Variants in METRNL observed in about 807,000 individuals in gnomAD.
METRNL encodes meteorin like, glial cell differentiation regulator.
Under a neutral mutation model 17.4 loss-of-function variants are expected in METRNL, and 9 were observed. That is an observed-to-expected ratio of 0.52 (90% CI 0.31 to 0.90). The LOEUF is 0.90. METRNL is among the 40% of genes least tolerant of loss of function. The pLI is 0.05. For missense variants in METRNL, 408 were observed against 430.7 expected, an observed-to-expected ratio of 0.95 and a Z score of 0.47; for synonymous variants, 215 against 199.3, an observed-to-expected ratio of 1.08 and a Z score of -0.66.
chr17:83,085,960 T>C (rs2038048608), intron 2 of METRNL, among the ~76,000 whole-genome samples: 1 of 152,202 alleles, frequency 6.6e-6, no homozygotes, highest in African/African-American at 2.4e-5. Context: ...CAGAGGGGTC[T>C]TGTGGGTACG....
intron 3 of METRNL, 60 bp from the exon 4 acceptor site, chr17:83,094,196 G>A (rs1427761651): frequency 2.6e-5 from 37 of 1,402,010 alleles, no homozygotes; most frequent in Middle Eastern, 1.8e-4. Flanking sequence ...GGGAGGTGCG[G>A]TGGTCTTGCT....
chr17:83,082,285 C>G (rs950433139), intron 1 of METRNL: 1 of 983,568 alleles, frequency 1.0e-6, no homozygotes, highest in African/African-American at 1.7e-5. Flanking sequence ...TCCTGACTTT[C>G]ATACAGGAGC....
chr17:83,091,362 A>T (rs2038134143), intron 2 of METRNL, among the ~76,000 whole-genome samples: 1 of 152,084 alleles, frequency 6.6e-6, no homozygotes, highest in South Asian at 2.1e-4. Context: ...AGGCGCCCTC[A>T]CCCCTGCCTG....
At position 83,085,072 on chromosome 17, in the gene METRNL, G is replaced by A. The variant is rs140659442; in HGVS notation, c.305G>A (p.Arg102Gln). The A allele has an allele frequency of 8.7e-6, 14 of 1,613,748 alleles. No homozygotes were observed. Among genetic ancestry groups the A allele is most frequent in the South Asian group, 4.4e-5 (4 of 91,090 alleles). The change falls in exon 2 of 4, where the codon CGG becomes CAG. Residue 102 changes from arginine to glutamine, a missense_variant. Physicochemically the swap from Arg to Gln is conservative, Grantham distance 43. Transcript: ENST00000320095. The part of the protein sequence containing the change: ...NLRPNTFSPA[R>Q]HLTVCIRSFT... ...CGGCCCAACACCTTCTCGCCTGCCC[G>A]GCACCTGACCGTGTGCATCAGGTCC...
intron 2 of METRNL, among the ~76,000 whole-genome samples, chr17:83,087,219 G>C (rs1175155831): frequency 2.6e-5 from 4 of 152,160 alleles, no homozygotes; most frequent in Non-Finnish European, 5.9e-5. Flanking sequence ...CAGGTGCTTG[G>C]GTTTCCTTGT....
chr17:83,083,693 G>A lies in METRNL; in HGVS notation c.171-1245G>A, dbSNP rs573978249. Among the ~76,000 whole-genome samples the A allele has an allele frequency of 6.4e-4, 97 of 152,366 alleles. No individual in the cohort carries two copies. The Middle Eastern group carries it at 0.01, about 16-fold the overall frequency. ...ACACCACCCTCTGATGTGGCCTGCA[G>A]CCTATGAAGAGTGAGGTTTGGGGGC... On this transcript the variant is annotated intron_variant, in intron 1 of 3. Transcript: ENST00000320095.
intron 3 of METRNL, 43 bp from the exon 4 acceptor site, chr17:83,094,213 T>A (rs1211159131): frequency 6.7e-7 from 1 of 1,498,532 alleles, no homozygotes; most frequent in Admixed American, 2.0e-5. Flanking sequence ...TGCTGTGTGC[T>A]TGCCTTTGCT....
intron 1 of METRNL, chr17:83,084,046 T>G (rs1477170501): frequency 6.6e-6 from 1 of 152,234 alleles, no homozygotes; most frequent in Admixed American, 6.5e-5. Context: ...GACCTGCCTC[T>G]CCAAGAGTGT....
intron 3 of METRNL, 45 bp from the exon 4 acceptor site, chr17:83,094,211 G>T: frequency 2.0e-6 from 3 of 1,492,314 alleles, no homozygotes; most frequent in Non-Finnish European, 9.1e-7. Flanking sequence ...CTTGCTGTGT[G>T]CTTGCCTTTG....
intron 2 of METRNL, 93 bp downstream of exon 2, chr17:83,085,416 C>T: frequency 6.9e-7 from 1 of 1,440,208 alleles, no homozygotes; most frequent in Non-Finnish European, 9.3e-7. Context: ...GTCCCCTCGT[C>T]TGCTCAGCCT....
intron 1 of METRNL, among the ~76,000 whole-genome samples, chr17:83,080,867 C>G (rs1457667954): frequency 6.6e-6 from 1 of 150,706 alleles, no homozygotes; most frequent in Admixed American, 6.6e-5. Context: ...GGCCCCCGCC[C>G]CCGCCCCCGC....
At chr17:83,089,957 T>A (rs996623158) in intron 2 of METRNL, among the ~76,000 whole-genome samples, 1 of 151,466 alleles carries the variant, frequency 6.6e-6, no homozygotes, top group African/African-American at 2.4e-5. Flanking sequence ...CAGGGCGGGG[T>A]ACCCAGGGCA....
rs1293388345 is a variant in METRNL, at chr17:83,079,879, C to T, written c.64C>T (p.Pro22Ser). 2 of 979,600 alleles carry T rather than the reference C, an allele frequency of 2.0e-6. No individual in the cohort carries two copies. The highest frequency in any genetic ancestry group is 1.3e-4 in the Admixed American group (2 of 15,950). 60.7% of individuals were successfully genotyped at this position (979,600 alleles called of 1,614,324 possible). A position where few individuals can be genotyped will look rare whatever the true frequency, so the allele number is the denominator to read the frequency against. The change falls in exon 1 of 4, where the codon CCG becomes TCG. Residue 22 changes from proline to serine, a missense_variant. Pro to Ser is a moderately conservative substitution (Grantham distance 74). Transcript: ENST00000320095. The part of the protein sequence containing the change: ...AGQPWPRPPA[P>S]GPPPPPLPLL... ...GCAGCCGTGGCCGCGACCCCCCGCC[C>T]CGGGCCCGCCCCCGCCGCCGCTCCC...
At position 83,085,021 on chromosome 17, in the gene METRNL, C is replaced by T; in HGVS notation, c.254C>T (p.Pro85Leu). The T allele has an allele frequency of 6.2e-7, 1 of 1,613,870 alleles. No individual in the cohort carries two copies. The highest frequency in any genetic ancestry group is 8.5e-7 in the Non-Finnish European group (1 of 1,180,026). Reference sequence around the variant, plus strand: ...GCGGGTGCCGTGGAGTGGATGTACCCAACAGGTGCTCTCATCGTTAACCTG... The same window carrying T: ...GCGGGTGCCGTGGAGTGGATGTACCTAACAGGTGCTCTCATCGTTAACCTG... ...CAAGAVEWMY[P>L]TGALIVNLRP... Residue 85 changes from proline to leucine, a missense_variant, in exon 2 of 4, where the codon CCA (proline) becomes CTA (leucine). By Grantham distance (98) the Pro-to-Leu change is moderately conservative (BLOSUM62 -3). Coordinates refer to ENST00000320095, the MANE Select transcript of METRNL (RefSeq NM_001004431.3).
intron 3 of METRNL, among the ~76,000 whole-genome samples, chr17:83,093,904 C>T (rs2038170592): frequency 1.3e-5 from 2 of 152,214 alleles, no homozygotes; most frequent in South Asian, 2.1e-4. Flanking sequence ...AGGCTGTCCC[C>T]ATGCCCACCC....
intron 1 of METRNL, among the ~76,000 whole-genome samples, chr17:83,080,480 G>C (rs1270601409): frequency 6.7e-6 from 1 of 149,550 alleles, no homozygotes; most frequent in Non-Finnish European, 1.5e-5. Flanking sequence ...TGTGAGCCGG[G>C]CCGAGTGTGG....
chr17:83,087,017 T>A (rs1600487896), intron 2 of METRNL, among the ~76,000 whole-genome samples: 1 of 152,034 alleles, frequency 6.6e-6, no homozygotes, highest in East Asian at 1.9e-4. Context: ...TGGGGTCCTG[T>A]GGGGTTGCAG....
chr17:83,080,009 G>C, intron 1 of METRNL, 24 bp downstream of exon 1: 1 of 1,011,328 alleles, frequency 9.9e-7, no homozygotes, highest in Non-Finnish European at 1.2e-6. Flanking sequence ...GCGCGACCCC[G>C]GCCCGGCCCC....
chr17:83,091,818 T>C lies in METRNL; in HGVS notation c.557-1349T>C, dbSNP rs548513306. On this transcript the variant is annotated intron_variant, in intron 2 of 3. Coordinates refer to ENST00000320095, the MANE Select transcript of METRNL (RefSeq NM_001004431.3). ...AAACCAGTGCCATTGAGATTTCACG[T>C]CTCAAAGTTTCTATTGCGTTAGGAG... Among the ~76,000 whole-genome samples, 760 of 152,298 alleles carry C rather than the reference T, an allele frequency of 5.0e-3. 3 individuals are homozygous for C. Among genetic ancestry groups the C allele is most frequent in the Middle Eastern group, 0.01 (3 of 294 alleles).
Sources: allele counts gnomAD v4.1 joint callset (sites outside exome capture counted in the v4.1 genomes callset), GRCh38; gene constraint gnomAD v4.1.1; transcripts MANE v1.5; gene names NCBI Gene and HGNC (gene_info 2026-07-23, HGNC 2026-07-21).